The following LPA variants were observed in gnomAD, a reference collection of about 807,000 sequenced individuals.
LPA encodes apolipoprotein(a).
LPA carries 199 observed loss-of-function variants against 197.9 expected under a neutral mutation model. The observed-to-expected ratio is 1.01, with a 90% confidence interval of 0.90 to 1.13. The LOEUF (loss-of-function observed/expected upper bound fraction) is 1.13. Among genes scored for constraint, LPA ranks in the 50% most tolerant of loss-of-function variants. LPA has a pLI of 0.00. For missense variants in LPA, 1,853 were observed against 1,785.8 expected (o/e 1.04, Z -0.68); for synonymous variants, 715 against 639.5 (o/e 1.12, Z -1.78).
In LPA at chr6:160,664,177, A is replaced by T. The variant is rs559005335; in HGVS notation, c.38T>A (p.Phe13Tyr). 3 of 1,605,360 alleles carry T rather than the reference A, an allele frequency of 1.9e-6. No individual in the cohort carries two copies. The South Asian group carries it at 3.3e-5, about 18-fold the overall frequency. ...HKEVVLLLLL[F>Y]LKSAAPEQSH... ...AAACTATGTCTTACCTGATTTCAGA[A>T]ATAAAAGAAGTAGAAGAACCACTTC... is the stretch of plus-strand genomic sequence containing the variant. Residue 13 changes from phenylalanine (F) to tyrosine (Y), a missense_variant, in exon 1 of 39, where the codon TTT becomes TAT. Phe to Tyr is a conservative substitution (Grantham distance 22, BLOSUM62 3). Transcript: ENST00000316300.
At chr6:160,648,728 G>T (rs980728868) in intron 2 of LPA, among the ~76,000 whole-genome samples, 2 of 151,958 alleles carry the variant, frequency 1.3e-5, no homozygotes, top group Admixed American at 6.6e-5. Flanking sequence ...TTTCATTTAA[G>T]ACATATCTCT....
intron 1 of LPA, among the ~76,000 whole-genome samples, chr6:160,662,250 G>A (rs1333875091): frequency 6.6e-6 from 1 of 152,214 alleles, no homozygotes; most frequent in Non-Finnish European, 1.5e-5. Context: ...TAGGCAAAAT[G>A]TAGATGTATA....
At chr6:160,602,878 A>G (rs905970905) in intron 18 of LPA, among the ~76,000 whole-genome samples, 10 of 151,914 alleles carry the variant, frequency 6.6e-5, no homozygotes, top group African/African-American at 2.2e-4. Context: ...AATTTGTATC[A>G]CTGTTCTTCT....
chr6:160,538,638 G>C (rs573417038), intron 36 of LPA, among the ~76,000 whole-genome samples: 2 of 151,280 alleles, frequency 1.3e-5, no homozygotes, highest in South Asian at 4.1e-4. Flanking sequence ...ATGGAAATGA[G>C]AAATGCCGTA....
intron 28 of LPA, among the ~76,000 whole-genome samples, chr6:160,574,250 C>T (rs1254824724): frequency 6.6e-6 from 1 of 152,116 alleles, no homozygotes; most frequent in East Asian, 1.9e-4. Context: ...CCACCATGCC[C>T]CCAACCCCGC....
At position 160,601,077 on chromosome 6, in the gene LPA, G is replaced by C; in HGVS notation, c.2967C>G (p.Cys989Trp). ...GGGCTGCCACAGGATCTGGATTTCG[G>C]CAGTAGTTCTTGATCAAGCCACTGG... is the stretch of plus-strand genomic sequence containing the variant. ...YPNAGLIKNY[C>W]RNPDPVAAPW... The change falls in exon 19 of 39, where the codon TGC becomes TGG. Residue 989 changes from cysteine to tryptophan, a missense_variant. By Grantham distance (215) the Cys-to-Trp change is radical. Transcript: ENST00000316300. 6.2e-7 allele frequency: 1 copy of C among 1,614,054 alleles called. No individual in the cohort carries two copies. The highest frequency in any genetic ancestry group is 8.5e-7 in the Non-Finnish European group (1 of 1,179,964).
intron 28 of LPA, among the ~76,000 whole-genome samples, chr6:160,567,698 A>T (rs1401582550): frequency 6.6e-6 from 1 of 152,212 alleles, no homozygotes; most frequent in Non-Finnish European, 1.5e-5. Context: ...ACATCAATGA[A>T]TCCAGGAGCT....
chr6:160,593,960 A>T lies in LPA; in HGVS notation c.3627T>A (p.Asn1209Lys), dbSNP rs758688036. 1.2e-6 allele frequency: 2 copies of T among 1,613,580 alleles called. No homozygotes were observed. The highest frequency in any genetic ancestry group is 3.3e-5 in the Admixed American group (2 of 59,994). Residue 1209 changes from asparagine to lysine, a missense_variant and splice_region_variant, in exon 22 of 39, where the codon AAT becomes AAA. Coordinates refer to ENST00000316300, the MANE Select transcript of LPA (RefSeq NM_005577.4). ...TTGAAGAAAACTCAAGGTTGTACCC[A>T]TTTGGATAATATTCTGTTGTCCTCT... ...WHQRTTEYYPNGGLTRNYCRN... is the reference protein window; with the variant it reads ...WHQRTTEYYPKGGLTRNYCRN...
Position 160,589,642 on chromosome 6 carries a change from G to A in LPA, c.3858C>T (p.Phe1286=). The A allele has an allele frequency of 2.5e-6, 4 of 1,614,016 alleles. No individual in the cohort carries two copies. Among genetic ancestry groups the A allele is most frequent in the Non-Finnish European group, 3.4e-6 (4 of 1,179,886 alleles). The change falls in exon 24 of 39, where the codon TTC becomes TTT. Residue 1286 remains phenylalanine (F), a synonymous_variant. Transcript: ENST00000316300. ...ATGTCCTTCCTGTAACAGTGGTGGAGAATGAGCCTCGATAACTCTGTCCAT... is the reference window on the plus strand; with the variant it reads ...ATGTCCTTCCTGTAACAGTGGTGGAAAATGAGCCTCGATAACTCTGTCCAT... The part of the protein sequence containing the change: ...HGDGQSYRGS[F]STTVTGRTCQ...
intron 1 of LPA, among the ~76,000 whole-genome samples, chr6:160,658,349 CATG>C (rs1298035898): frequency 6.6e-6 from 1 of 152,186 alleles, no homozygotes; most frequent in African/African-American, 2.4e-5. Flanking sequence ...CAGCTACTCG[CATG>C]ATAACAGCTT....
Position 160,654,022 on chromosome 6 carries a change from TATATA to T in LPA, c.50-3530_50-3526del, listed in dbSNP as rs1562354809. On this transcript the variant is annotated intron_variant, in intron 1 of 38. Transcript: ENST00000316300. The stretch of plus-strand genomic sequence containing the variant: ...TATATATAATATATATTATATATAA[TATATA>T]ATATATATTATATATAATATATAAT... 5.6e-4 allele frequency among the ~76,000 whole-genome samples: 4 copies of T among 7,106 alleles called. 1 individual carries two copies. Among genetic ancestry groups the T allele is most frequent in the African/African-American group, 2.5e-3 (4 of 1,620 alleles). 4.7% of individuals were successfully genotyped at this position (7,106 alleles called of 152,430 possible).
At chr6:160,634,995 C>T (rs1454336993) in intron 7 of LPA, 128 bp downstream of exon 7, 17 of 1,506,262 alleles carry the variant, frequency 1.1e-5, no homozygotes, top group Non-Finnish European at 1.6e-5. Context: ...AGGCTTCCCC[C>T]AACATGGCAG....
At chr6:160,650,619 A>T in intron 1 of LPA, 122 bp from the exon 2 acceptor site, 1 of 937,052 alleles carries the variant, frequency 1.1e-6, no homozygotes, top group Non-Finnish European at 1.7e-6. Context: ...TCTCTTGATT[A>T]GCAGGCAGAC....
intron 36 of LPA, 57 bp from the exon 37 acceptor site, chr6:160,538,018 T>C (rs1777920363): frequency 1.4e-6 from 2 of 1,460,034 alleles, no homozygotes; most frequent in African/African-American, 1.4e-5. Flanking sequence ...TGGCAGTACC[T>C]ACAACCAGGC....
intron 30 of LPA, among the ~76,000 whole-genome samples, chr6:160,553,819 T>C (rs1778204473): frequency 6.6e-6 from 1 of 152,180 alleles, no homozygotes; most frequent in African/African-American, 2.4e-5. Context: ...CTCCTTCCCG[T>C]CCTTCTGTGA....
chr6:160,550,503 G>GA (rs1469811913), intron 30 of LPA, among the ~76,000 whole-genome samples: 1 of 152,200 alleles, frequency 6.6e-6, no homozygotes, highest in African/African-American at 2.4e-5. Flanking sequence ...TATAGTATAT[G>GA]AGGGAGGTTA....
chr6:160,606,350 T>C, intron 17 of LPA, 127 bp downstream of exon 17: 1 of 1,387,178 alleles, frequency 7.2e-7, no homozygotes, highest in Non-Finnish European at 1.0e-6. Flanking sequence ...GGCTTCCTCC[T>C]ACATGACAGA....
At chr6:160,660,895 G>T (rs1780213595) in intron 1 of LPA, among the ~76,000 whole-genome samples, 1 of 152,190 alleles carries the variant, frequency 6.6e-6, no homozygotes, top group Non-Finnish European at 1.5e-5. Flanking sequence ...TAGGCATCCA[G>T]ATTTCAGAGG....
Position 160,606,469 on chromosome 6 carries a change from C to T in LPA, c.2785+8G>A, listed in dbSNP as rs767117513. ...AAACGTGTAGGTTTCTGGCCACAGG[C>T]TCCTTACCTTGTTCAGAAGGAGCCT... On this transcript the variant is annotated splice_region_variant and intron_variant, in intron 17 of 38. Transcript: ENST00000316300. 3 of 1,613,306 alleles carry T rather than the reference C, an allele frequency of 1.9e-6. No homozygotes were observed. Among genetic ancestry groups the T allele is most frequent in the East Asian group, 4.5e-5 (2 of 44,874 alleles).
Sources: gnomAD v4.1 joint callset for allele counts (sites outside exome capture counted in the v4.1 genomes callset) on GRCh38, gnomAD v4.1.1 for gene constraint, MANE v1.5 for transcripts, NCBI Gene and HGNC (gene_info 2026-07-23, HGNC 2026-07-21) for gene names.